Variants in ATP2B2 observed in about 807,000 individuals in gnomAD.
ATP2B2 encodes plasma membrane calcium-transporting ATPase 2.
Under a neutral mutation model 120.0 loss-of-function variants are expected in ATP2B2, and 15 were observed. That is an observed-to-expected ratio of 0.12 (90% CI 0.08 to 0.19). The LOEUF is 0.19. Ranked by LOEUF, ATP2B2 falls within the 10% of genes least tolerant of loss-of-function variation. The pLI, the probability that ATP2B2 is intolerant of heterozygous loss-of-function variation, is 1.00. For missense variants in ATP2B2, 1,045 were observed against 1,719.8 expected (o/e 0.61, Z 6.94); for synonymous variants, 694 against 700.3 (o/e 0.99, Z 0.14).
chr3:10,332,074 A>C (rs1199964813), intron 22 of ATP2B2: 7 of 1,539,378 alleles, frequency 4.5e-6, no homozygotes, highest in African/African-American at 1.4e-5. Flanking sequence ...CAGACAGTGG[A>C]GAGGTCTAGG....
Position 10,410,678 on chromosome 3 carries a change from T to G in ATP2B2, c.337A>C (p.Ile113Leu), listed in dbSNP as rs776635799. 3.7e-6 allele frequency: 6 copies of G among 1,613,886 alleles called. No individual in the cohort carries two copies. The highest frequency in any genetic ancestry group is 4.2e-6 in the Non-Finnish European group (5 of 1,179,932). ...AGCCCCAGGGAGATGATGGCGGCAA[T>G]CTCCAGGATGATGAGCGTCACGTCC... The part of the protein sequence containing the change: ...LQDVTLIILE[I>L]AAIISLGLSF... Residue 113 changes from isoleucine (I) to leucine (L), a missense_variant, in exon 3 of 23, where the codon ATT becomes CTT. Ile to Leu is a conservative substitution (Grantham distance 5). This residue lies in a region of ATP2B2 where 7 missense variants were observed against 26.0 expected (regional missense o/e 0.27). Transcript: ENST00000360273.
intron 3 of ATP2B2, among the ~76,000 whole-genome samples, chr3:10,528,576 T>G (rs2067147446): frequency 6.6e-6 from 1 of 152,216 alleles, no homozygotes; most frequent in African/African-American, 2.4e-5. Flanking sequence ...ATGAGCAAGT[T>G]TCCTAGCCAC....
In ATP2B2 at chr3:10,531,181, T is replaced by C. The variant is rs116088834; in HGVS notation, c.-320+2858A>G. On this transcript the variant is annotated intron_variant, in intron 3 of 21. Coordinates refer to the ATP2B2 transcript ENST00000646379. ...AGAGAGAACAGGTCAGCCCTCAGGG[T>C]TGAGGGTCTGCTGGCACACACTCCC... Among the ~76,000 whole-genome samples, 375 of 152,202 alleles carry C rather than the reference T, an allele frequency of 2.5e-3. 1 individual carries two copies. The highest frequency in any genetic ancestry group is 8.7e-3 in the African/African-American group (361 of 41,518).
chr3:10,434,767 AGCCCATGAGGCCCAG>A (rs1222245997), intron 2 of ATP2B2, among the ~76,000 whole-genome samples: 1 of 152,244 alleles, frequency 6.6e-6, no homozygotes, highest in Non-Finnish European at 1.5e-5. Flanking sequence ...ATCTACTTAT[AGCCCATGAGGCCCAG>A]GCCGAGGTGC....
chr3:10,404,638 C>A (rs1259740890), intron 3 of ATP2B2, among the ~76,000 whole-genome samples: 1 of 152,164 alleles, frequency 6.6e-6, no homozygotes, highest in Non-Finnish European at 1.5e-5. Flanking sequence ...CTTTATGAAG[C>A]CCTGAGGCCC....
rs116754862 is a variant in ATP2B2 at position 10,672,169 on chromosome 3, T to C, written c.-460+35746A>G. On this transcript the variant is annotated intron_variant, in intron 1 of 21. Coordinates refer to the ATP2B2 transcript ENST00000646379. ...CACTGGTTAAAATCACAGCCTCAGA[T>C]TTCTGCTGGGAGAGAACCACAAACA... 7.8e-3 allele frequency among the ~76,000 whole-genome samples: 1,190 copies of C among 152,286 alleles called. 19 individuals carry two copies. Among genetic ancestry groups the C allele is most frequent in the African/African-American group, 0.027 (1,126 of 41,564 alleles).
At chr3:10,506,685 G>A (rs2066638081), upstream of ATP2B2, among the ~76,000 whole-genome samples, 1 of 152,096 alleles carries the variant, frequency 6.6e-6, no homozygotes, top group Admixed American at 6.5e-5. Flanking sequence ...ACTGAAGGTG[G>A]AAGGACCTTC....
Position 10,375,528 on chromosome 3 carries a change from A to G in ATP2B2, c.1318T>C (p.Phe440Leu), listed in dbSNP as rs1209648649. ...ACGCCAATGATGAAGAACTTGACAA[A>G]GTACTGCACGTAGACGGGCGTGCAC... ...PECTPVYVQY[F>L]VKFFIIGVTV... is the part of the protein sequence containing the mutation. The change falls in exon 11 of 23, where the codon TTT (phenylalanine) becomes CTT (leucine). Residue 440 changes from phenylalanine (F) to leucine (L), a missense_variant. Physicochemically the swap from Phe to Leu is conservative, Grantham distance 22 (BLOSUM62 0). Transcript: ENST00000360273. This position sits in a 1 kb window ranked among gnomAD's most constrained non-coding sequence, Gnocchi z 4.2. 1.9e-6 allele frequency: 3 copies of G among 1,613,700 alleles called. No individual in the cohort carries two copies. The highest frequency in any genetic ancestry group is 1.6e-4 in the Middle Eastern group (1 of 6,062).
At chr3:10,506,886 A>G (rs1274497425), upstream of ATP2B2, among the ~76,000 whole-genome samples, 2 of 152,248 alleles carry the variant, frequency 1.3e-5, no homozygotes, top group African/African-American at 4.8e-5. Flanking sequence ...GGCACAGAAT[A>G]CCAATTTGTC....
At chr3:10,524,380 C>T (rs575508124) in intron 3 of ATP2B2, among the ~76,000 whole-genome samples, 1 of 152,204 alleles carries the variant, frequency 6.6e-6, no homozygotes, top group African/African-American at 2.4e-5. Context: ...GAGGCGAGTG[C>T]CATTGCTATC....
At chr3:10,579,187 A>G (rs557423001) in intron 2 of ATP2B2, among the ~76,000 whole-genome samples, 11 of 152,322 alleles carry the variant, frequency 7.2e-5, no homozygotes, top group Admixed American at 4.6e-4. Context: ...TGCTCAACCA[A>G]CGATTGCTAA....
intron 10 of ATP2B2, among the ~76,000 whole-genome samples, chr3:10,376,455 G>C (rs937419520): frequency 6.6e-6 from 1 of 152,152 alleles, no homozygotes; most frequent in Non-Finnish European, 1.5e-5. Context: ...GGAAACTGAG[G>C]CTCAGATAGG....
At chr3:10,452,680 CAG>C (rs1450766022) in intron 1 of ATP2B2, among the ~76,000 whole-genome samples, 5 of 152,082 alleles carry the variant, frequency 3.3e-5, no homozygotes, top group African/African-American at 1.2e-4. Context: ...AGATGGGTCT[CAG>C]ATGCTGGGGG....
chr3:10,395,285 C>T (rs2061998638), intron 5 of ATP2B2, among the ~76,000 whole-genome samples: 1 of 152,368 alleles, frequency 6.6e-6, no homozygotes, highest in East Asian at 1.9e-4. Flanking sequence ...AGAGGCAGGA[C>T]ATCCAAGTGG....
At chr3:10,452,150 C>T (rs776993843) in intron 1 of ATP2B2, among the ~76,000 whole-genome samples, 4 of 152,198 alleles carry the variant, frequency 2.6e-5, no homozygotes, top group Non-Finnish European at 5.9e-5. Context: ...AGTCACTTGC[C>T]CAAGGTCACA....
chr3:10,493,675 C>T (rs556100627), intron 1 of ATP2B2, among the ~76,000 whole-genome samples: 4 of 152,274 alleles, frequency 2.6e-5, no homozygotes, highest in African/African-American at 9.6e-5. Context: ...GAAGGCCCCT[C>T]CCTTCATCTA....
intron 1 of ATP2B2, among the ~76,000 whole-genome samples, chr3:10,457,616 C>G (rs1310581497): frequency 1.3e-5 from 2 of 151,952 alleles, no homozygotes; most frequent in East Asian, 3.9e-4. Flanking sequence ...ACACCTGTCT[C>G]TGGGTGTGCA....
At chr3:10,449,284 T>C (rs2063946565) in intron 2 of ATP2B2, 61 bp downstream of exon 2, 2 of 1,571,892 alleles carry the variant, frequency 1.3e-6, no homozygotes, top group African/African-American at 2.7e-5. Context: ...ATGGTCCCTG[T>C]GGCCAATTCA....
chr3:10,651,543 T>C (rs183867648), intron 1 of ATP2B2, among the ~76,000 whole-genome samples: 83 of 152,282 alleles, frequency 5.5e-4, no homozygotes, highest in Admixed American at 7.8e-4. Context: ...ATAAATCTCC[T>C]CCTTTTGTAA....
Sources: allele counts gnomAD v4.1 joint callset (sites outside exome capture counted in the v4.1 genomes callset), GRCh38; gene constraint gnomAD v4.1.1; regional missense constraint gnomAD v4.1.1; non-coding constraint Gnocchi (gnomAD v3.1); transcripts MANE v1.5; gene names NCBI Gene and HGNC (gene_info 2026-07-23, HGNC 2026-07-21).